ATXN1: variants seen among roughly 807,000 people sequenced by gnomAD.
ATXN1 encodes the protein ataxin-1.
A neutral mutation model predicts 56.4 loss-of-function variants in ATXN1; 8 were observed. That is an observed-to-expected ratio of 0.14 (90% CI 0.08 to 0.26). ATXN1 has a LOEUF of 0.26. ATXN1 is among the 10% of genes least tolerant of loss of function. The pLI is 1.00. For synonymous variants in ATXN1, 514 were observed against 494.6 expected (o/e 1.04, Z -0.52); for missense variants, 987 against 1,106.5 (o/e 0.89, Z 1.53).
At chr6:16,645,802 T>G (rs1763789780) in intron 3 of ATXN1, among the ~76,000 whole-genome samples, 1 of 152,262 alleles carries the variant, frequency 6.6e-6, no homozygotes, top group South Asian at 2.1e-4. Context: ...AAGGAAATTG[T>G]ACAAAACATG....
intron 6 of ATXN1, among the ~76,000 whole-genome samples, chr6:16,384,779 G>C (rs900517476): frequency 6.6e-6 from 1 of 152,322 alleles, no homozygotes; most frequent in Admixed American, 6.5e-5. Flanking sequence ...TGCCATGATT[G>C]TAAGTTTCCT....
intron 6 of ATXN1, among the ~76,000 whole-genome samples, chr6:16,482,583 C>T (rs1341579009): frequency 6.6e-6 from 1 of 152,116 alleles, no homozygotes; most frequent in Non-Finnish European, 1.5e-5. Flanking sequence ...TAGACTCTAA[C>T]CAATATTTGA....
rs1347251416 is a variant in ATXN1, at chr6:16,760,606, C to G, written c.-730+692G>C. On this transcript the variant is annotated intron_variant, in intron 1 of 7. Transcript: ENST00000436367. This position sits in a 1 kb window ranked among gnomAD's most constrained non-coding sequence, Gnocchi z 5.3. ...CCCGGCCGCGCGCAAAGTCCCGTCC[C>G]GGCTGCAGGAGCAGTCCCTTCCCCG... is the stretch of plus-strand genomic sequence containing the variant. Among the ~76,000 whole-genome samples the G allele has an allele frequency of 4.0e-5, 6 of 151,162 alleles. No homozygotes were observed. Among genetic ancestry groups the G allele is most frequent in the African/African-American group, 1.5e-4 (6 of 41,356 alleles).
At chr6:16,334,045 G>A (rs1207531641) in intron 6 of ATXN1, among the ~76,000 whole-genome samples, 5 of 152,092 alleles carry the variant, frequency 3.3e-5, no homozygotes, top group African/African-American at 9.7e-5. Flanking sequence ...TATGTATGAC[G>A]GGGACCTCAA....
At chr6:16,314,643 T>C (rs911134852) in intron 7 of ATXN1, among the ~76,000 whole-genome samples, 2 of 151,466 alleles carry the variant, frequency 1.3e-5, no homozygotes, top group African/African-American at 2.4e-5. Flanking sequence ...TGAGATGGAG[T>C]CTTGCTCTGT....
chr6:16,456,981 T>C (rs1175411068), intron 6 of ATXN1, among the ~76,000 whole-genome samples: 1 of 152,156 alleles, frequency 6.6e-6, no homozygotes, highest in African/African-American at 2.4e-5. Context: ...TTCCTATTCA[T>C]ATGATAAGTG....
intron 2 of ATXN1, among the ~76,000 whole-genome samples, chr6:16,669,134 A>C (rs1233237855): frequency 1.3e-5 from 2 of 152,200 alleles, no homozygotes; most frequent in African/African-American, 4.8e-5. Flanking sequence ...CAAACCAAGT[A>C]ATTGAAGACA....
chr6:16,566,611 T>G (rs1341192755), intron 4 of ATXN1, among the ~76,000 whole-genome samples: 1 of 152,022 alleles, frequency 6.6e-6, no homozygotes, highest in Non-Finnish European at 1.5e-5. Flanking sequence ...CCCAGCACTT[T>G]GGGAGGCCAC....
intron 3 of ATXN1, among the ~76,000 whole-genome samples, chr6:16,636,113 C>A (rs115973050): frequency 6.6e-6 from 1 of 152,188 alleles, no homozygotes; most frequent in Admixed American, 6.5e-5. Flanking sequence ...TCCCTTACAT[C>A]ATTTCTGTTT....
chr6:16,557,687 G>A (rs915477537), intron 4 of ATXN1, among the ~76,000 whole-genome samples: 24 of 152,302 alleles, frequency 1.6e-4, no homozygotes, highest in Admixed American at 1.2e-3. Flanking sequence ...AAAAGAGGTC[G>A]ATCCAAATGA....
At chr6:16,525,477 A>G (rs924607164) in intron 4 of ATXN1, among the ~76,000 whole-genome samples, 1 of 152,150 alleles carries the variant, frequency 6.6e-6, no homozygotes, top group Non-Finnish European at 1.5e-5. Flanking sequence ...AATCAAACCT[A>G]CTGAACTCAT....
chr6:16,458,381 T>C (rs1759922764), intron 6 of ATXN1, among the ~76,000 whole-genome samples: 1 of 152,192 alleles, frequency 6.6e-6, no homozygotes, highest in Non-Finnish European at 1.5e-5. Context: ...CAAGCAGCTA[T>C]GGGAGGCCTT....
intron 3 of ATXN1, among the ~76,000 whole-genome samples, chr6:16,632,919 C>T (rs960822216): frequency 6.6e-6 from 1 of 151,390 alleles, no homozygotes; most frequent in Non-Finnish European, 1.5e-5. Context: ...ATCGCTTGAA[C>T]CTGGGAGGTG....
At chr6:16,720,926 T>C (rs1490116448) in intron 2 of ATXN1, among the ~76,000 whole-genome samples, 1 of 152,218 alleles carries the variant, frequency 6.6e-6, no homozygotes, top group Non-Finnish European at 1.5e-5. Context: ...GTGACACAGT[T>C]AGAACCCAGG....
chr6:16,327,106 T>C lies in ATXN1; in HGVS notation c.1205A>G (p.His402Arg). The C allele has an allele frequency of 1.9e-6, 3 of 1,613,650 alleles. No individual in the cohort carries two copies. In the South Asian group the frequency reaches 3.3e-5, roughly 18 times the overall value. Residue 402 changes from histidine (H) to arginine (R), a missense_variant, in exon 7 of 8, where the codon CAT becomes CGT. Physicochemically the swap from His to Arg is conservative, Grantham distance 29 (BLOSUM62 0). Transcript: ENST00000436367. ...GAGGGTAGAAGGGGAGGCTTCACGA[T>C]GAGTGGCCTGTTGCACCTCCAGGTC... ...AADLEVQQAT[H>R]REASPSTLND...
chr6:16,694,928 C>T (rs1759131937), intron 2 of ATXN1, among the ~76,000 whole-genome samples: 1 of 152,228 alleles, frequency 6.6e-6, no homozygotes, highest in Admixed American at 6.5e-5. Flanking sequence ...TCTACCACCA[C>T]TTCAGTAAGT....
intron 3 of ATXN1, among the ~76,000 whole-genome samples, chr6:16,593,394 C>CGTG (rs1340059804): frequency 1.4e-4 from 22 of 152,342 alleles, no homozygotes; most frequent in Middle Eastern, 6.8e-3. Flanking sequence ...TTCTGACATG[C>CGTG]TATCACTTTA....
chr6:16,612,363 CA>C (rs1763124423), intron 3 of ATXN1, among the ~76,000 whole-genome samples: 1 of 151,968 alleles, frequency 6.6e-6, no homozygotes, highest in South Asian at 2.1e-4. Context: ...CACAATGCAA[CA>C]AAACTCATTA....
At chr6:16,513,773 A>G (rs916381647) in intron 5 of ATXN1, among the ~76,000 whole-genome samples, 1 of 152,146 alleles carries the variant, frequency 6.6e-6, no homozygotes, top group Non-Finnish European at 1.5e-5. Context: ...CAGCAAGGGT[A>G]GCCTAGGGCA....
Sources: allele counts gnomAD v4.1 joint callset (sites outside exome capture counted in the v4.1 genomes callset), GRCh38; gene constraint gnomAD v4.1.1; non-coding constraint Gnocchi (gnomAD v3.1); transcripts MANE v1.5; gene names NCBI Gene and HGNC (gene_info 2026-07-23, HGNC 2026-07-21).